Variants in NAA15 observed in about 807,000 individuals in gnomAD.
The protein encoded by NAA15 is N-terminal acetyltransferase.
In NAA15, 34 loss-of-function variants were observed where a neutral mutation model predicts 114.0. The ratio of observed to expected loss-of-function variants is 0.30; its 90% confidence interval spans 0.23 to 0.40. NAA15 has a LOEUF of 0.40. Among genes scored for constraint, NAA15 ranks in the 10% least tolerant of loss-of-function variants. NAA15 has a pLI of 1.00. For missense variants in NAA15, 658 were observed against 1,004.5 expected, an observed-to-expected ratio of 0.66 and a Z score of 4.66; for synonymous variants, 340 against 338.0, an observed-to-expected ratio of 1.01 and a Z score of -0.06.
intron 1 of NAA15, among the ~76,000 whole-genome samples, chr4:139,307,027 G>A (rs77029118): frequency 6.6e-6 from 1 of 152,290 alleles, no homozygotes; most frequent in East Asian, 1.9e-4. Flanking sequence ...GATTTAAATT[G>A]TTAGTTGTAA....
chr4:139,311,113 T>C (rs1229015004), intron 1 of NAA15, among the ~76,000 whole-genome samples: 4 of 151,834 alleles, frequency 2.6e-5, no homozygotes, highest in South Asian at 4.2e-4. Flanking sequence ...TTAAATGTTA[T>C]TTAGAGACCT....
At chr4:139,332,779 A>G (rs991401065) in intron 1 of NAA15, among the ~76,000 whole-genome samples, 6 of 151,760 alleles carry the variant, frequency 4.0e-5, no homozygotes, top group Non-Finnish European at 7.4e-5. Flanking sequence ...ACAGGGTTTC[A>G]CCATGTTGGC....
At chr4:139,313,394 G>A (rs1001488556) in intron 1 of NAA15, among the ~76,000 whole-genome samples, 1 of 151,870 alleles carries the variant, frequency 6.6e-6, no homozygotes, top group East Asian at 1.9e-4. Flanking sequence ...GGAACATTAA[G>A]CAAAGCAGTA....
intron 6 of NAA15, among the ~76,000 whole-genome samples, chr4:139,345,837 C>T (rs534092540): frequency 1.0e-3 from 156 of 152,084 alleles, no homozygotes; most frequent in African/African-American, 2.7e-3. Flanking sequence ...AGGAGAACGG[C>T]GTGAACCTGG....
Position 139,308,042 on chromosome 4 carries a change from T to C in NAA15, c.54+6211T>C, listed in dbSNP as rs950067492. Among the ~76,000 whole-genome samples, 8 of 152,116 alleles carry C rather than the reference T, an allele frequency of 5.3e-5. No individual in the cohort carries two copies. The South Asian group carries it at 1.7e-3, about 32-fold the overall frequency. On this transcript the variant is annotated intron_variant, in intron 1 of 19. Transcript: ENST00000296543. ...AGTGGTGCAATCTCGGCTCATTGCA[T>C]GCTCTGCCTCCCGGGTTCACGCCAT...
At chr4:139,329,745 A>G (rs1746938112) in intron 1 of NAA15, among the ~76,000 whole-genome samples, 1 of 152,176 alleles carries the variant, frequency 6.6e-6, no homozygotes, top group Admixed American at 6.5e-5. Flanking sequence ...CTTAGTACTC[A>G]ACAGTTTTCA....
At chr4:139,304,653 A>G (rs1005171095) in intron 1 of NAA15, among the ~76,000 whole-genome samples, 2 of 152,306 alleles carry the variant, frequency 1.3e-5, no homozygotes, top group African/African-American at 2.4e-5. Context: ...TTTTTATTGT[A>G]TTTTTAAAAA....
intron 15 of NAA15, among the ~76,000 whole-genome samples, chr4:139,372,188 T>C (rs935476399): frequency 1.2e-4 from 18 of 152,194 alleles, no homozygotes; most frequent in African/African-American, 4.1e-4. Context: ...AGTGCTGGGA[T>C]TACAGGCGTG....
intron 1 of NAA15, among the ~76,000 whole-genome samples, chr4:139,324,704 G>A (rs927085828): frequency 6.6e-6 from 1 of 152,224 alleles, no homozygotes; most frequent in Non-Finnish European, 1.5e-5. Context: ...GGCCGAGGCA[G>A]GGGGATCACC....
At chr4:139,343,014 T>C (rs1042754704) in intron 5 of NAA15, 54 bp downstream of exon 5, 3 of 1,473,476 alleles carry the variant, frequency 2.0e-6, no homozygotes, top group Non-Finnish European at 2.8e-6. Context: ...ACTAAAAAAA[T>C]AATGTGCATA....
rs565762592 is a variant in NAA15 at position 139,327,887 on chromosome 4, ACTCCTGACCTCAGGTGATCCACCCGTCTC to A, written c.55-6286_55-6258del. ...GCCATGTTGGCCAGGCTGGTCTTGA[ACTCCTGACCTCAGGTGATCCACCCGTCTC>A]AGCCTCCCAAAGTTCCAGGATTACA... On this transcript the variant is annotated intron_variant, in intron 1 of 19. Transcript: ENST00000296543. Among the ~76,000 whole-genome samples the A allele has an allele frequency of 1.7e-4, 26 of 151,728 alleles. No individual in the cohort carries two copies. In the Middle Eastern group the frequency reaches 0.02, roughly 119 times the overall value.
chr4:139,307,063 C>T (rs544470255), intron 1 of NAA15, among the ~76,000 whole-genome samples: 1 of 152,242 alleles, frequency 6.6e-6, no homozygotes, highest in South Asian at 2.1e-4. Context: ...ATTTTTCTTT[C>T]CTAGAAAAGT....
intron 13 of NAA15, 149 bp downstream of exon 13, chr4:139,360,777 A>G (rs1748108652): frequency 1.6e-6 from 1 of 636,820 alleles, no homozygotes; most frequent in Non-Finnish European, 2.4e-6. Flanking sequence ...TCATACTGGA[A>G]ATATAGACTG....
intron 1 of NAA15, among the ~76,000 whole-genome samples, chr4:139,306,837 A>G (rs1198076103): frequency 1.3e-5 from 2 of 152,198 alleles, no homozygotes; most frequent in Non-Finnish European, 2.9e-5. Flanking sequence ...ACCTGCTTGG[A>G]AAAGATGGAC....
At chr4:139,355,075 T>C (rs762931582) in intron 10 of NAA15, among the ~76,000 whole-genome samples, 88 of 151,850 alleles carry the variant, frequency 5.8e-4, no homozygotes, top group African/African-American at 2.0e-3. Flanking sequence ...GGTCTCACCA[T>C]ATTGGCCAGG....
chr4:139,373,797 C>G (rs926562600), intron 15 of NAA15, among the ~76,000 whole-genome samples: 10 of 152,054 alleles, frequency 6.6e-5, no homozygotes, highest in African/African-American at 2.2e-4. Flanking sequence ...CTCCCAGGTT[C>G]AAGCGATTCT....
intron 1 of NAA15, among the ~76,000 whole-genome samples, chr4:139,327,546 G>A (rs4863648): frequency 0.062 from 9,501 of 152,124 alleles, 978 homozygotes; most frequent in African/African-American, 0.22. Context: ...GAGCCACTGC[G>A]CCCAGCCTGA....
chr4:139,343,163 T>A (rs1351250382), intron 5 of NAA15, among the ~76,000 whole-genome samples: 1 of 152,214 alleles, frequency 6.6e-6, no homozygotes, highest in Non-Finnish European at 1.5e-5. Flanking sequence ...AATTTGTGTA[T>A]CTATTTATCT....
intron 1 of NAA15, among the ~76,000 whole-genome samples, chr4:139,332,504 G>A (rs1421233904): frequency 3.5e-5 from 5 of 143,910 alleles, no homozygotes; most frequent in Non-Finnish European, 7.6e-5. Flanking sequence ...GGACACAAAA[G>A]TTTAGCTTTT....
Sources: gnomAD v4.1 joint callset for allele counts (sites outside exome capture counted in the v4.1 genomes callset) on GRCh38, gnomAD v4.1.1 for gene constraint, MANE v1.5 for transcripts, NCBI Gene and HGNC (gene_info 2026-07-23, HGNC 2026-07-21) for gene names.